The following ROS1 variants were observed in gnomAD, a reference collection of about 807,000 sequenced individuals.
The protein encoded by ROS1 is proto-oncogene tyrosine-protein kinase ROS.
Under a neutral mutation model 273.5 loss-of-function variants are expected in ROS1, and 263 were observed. The ratio of observed to expected loss-of-function variants is 0.96; its 90% CI spans 0.87 to 1.06. ROS1 has a LOEUF of 1.06. ROS1 is among the 50% of genes least tolerant of loss of function. The pLI is 0.00. For synonymous variants in ROS1, 1,008 were observed against 954.1 expected, an observed-to-expected ratio of 1.06 and a Z score of -1.04; for missense variants, 2,833 against 2,751.1, an observed-to-expected ratio of 1.03 and a Z score of -0.67.
At chr6:117,314,301 G>A (rs1483081421) in intron 39 of ROS1, among the ~76,000 whole-genome samples, 1 of 152,122 alleles carries the variant, frequency 6.6e-6, no homozygotes, top group Non-Finnish European at 1.5e-5. Flanking sequence ...CATTCTGGAA[G>A]AGGGAAAGCA....
At chr6:117,421,560 T>C (rs1460922407) in intron 1 of ROS1, among the ~76,000 whole-genome samples, 1 of 152,146 alleles carries the variant, frequency 6.6e-6, no homozygotes, top group Admixed American at 6.6e-5. Flanking sequence ...AATAATGGCC[T>C]CCAGCTCCAT....
intron 23 of ROS1, 57 bp downstream of exon 23, chr6:117,360,285 C>CACAT (rs2128649991): frequency 7.6e-7 from 1 of 1,316,516 alleles, no homozygotes; most frequent in Non-Finnish European, 1.1e-6. Flanking sequence ...CACACACACA[C>CACAT]ACACACACAC....
intron 18 of ROS1, among the ~76,000 whole-genome samples, chr6:117,371,290 G>A (rs999232242): frequency 1.3e-5 from 2 of 152,128 alleles, no homozygotes; most frequent in Non-Finnish European, 2.9e-5. Flanking sequence ...GTCCACCCCC[G>A]AACACACATC....
rs1562304923 is a variant in ROS1, at chr6:117,353,214, CA to C, written c.4127-49del. 4 of 1,316,680 alleles carry C rather than the reference CA, an allele frequency of 3.0e-6. No homozygotes were observed. In the South Asian group the frequency reaches 5.2e-5, roughly 17 times the overall value. 81.6% of individuals were successfully genotyped at this position (1,316,680 alleles called of 1,614,324 possible). ...TATAAAGAACAAAATTAATATCTTA[CA>C]TTTTTTACTCTAAAAATGTATGAAA... On this transcript the variant is annotated intron_variant, in intron 26 of 43. Coordinates refer to ENST00000368507, the MANE Select transcript of ROS1 (RefSeq NM_001378902.1).
intron 8 of ROS1, 137 bp downstream of exon 8, chr6:117,396,778 T>C: frequency 1.5e-6 from 1 of 664,000 alleles, no homozygotes; most frequent in Middle Eastern, 4.2e-4. Context: ...AAAACCACAA[T>C]GACTTCAACC....
intron 37 of ROS1, among the ~76,000 whole-genome samples, chr6:117,318,803 C>T (rs1243425583): frequency 1.3e-5 from 2 of 152,094 alleles, no homozygotes; most frequent in Non-Finnish European, 2.9e-5. Flanking sequence ...ACCATCTTTC[C>T]TCCTCTCCCT....
At chr6:117,424,361 A>G (rs901129720) in intron 1 of ROS1, among the ~76,000 whole-genome samples, 2 of 151,806 alleles carry the variant, frequency 1.3e-5, no homozygotes, top group Admixed American at 1.3e-4. Flanking sequence ...AAATTCAATC[A>G]AAAGATTACT....
At chr6:117,386,542 T>C (rs75998593) in intron 15 of ROS1, among the ~76,000 whole-genome samples, 1 of 152,386 alleles carries the variant, frequency 6.6e-6, no homozygotes, top group Non-Finnish European at 1.5e-5. Flanking sequence ...TCCTGTCTTA[T>C]AGCAAATGCA....
intron 25 of ROS1, 137 bp from the exon 26 acceptor site, chr6:117,357,052 T>G (rs1308035242): frequency 5.8e-6 from 4 of 690,206 alleles, no homozygotes; most frequent in Non-Finnish European, 9.7e-6. Flanking sequence ...GGTCAAGTTT[T>G]CAATAACCTT....
At chr6:117,382,812 AC>A (rs1448385492) in intron 17 of ROS1, among the ~76,000 whole-genome samples, 3 of 152,108 alleles carry the variant, frequency 2.0e-5, no homozygotes, top group Non-Finnish European at 4.4e-5. Context: ...ATAAAAAAAA[AC>A]TTAGGAGGTA....
chr6:117,308,475 A>ACT (rs199508385), intron 42 of ROS1, among the ~76,000 whole-genome samples: 232 of 151,402 alleles, frequency 1.5e-3, no homozygotes, highest in African/African-American at 4.5e-3. Context: ...GTGTGTGTAT[A>ACT]CTCTCTCTCT....
rs1773530526 is a variant in ROS1, at chr6:117,287,627, A to G, written c.*865T>C. The stretch of plus-strand genomic sequence containing the variant: ...CAAAATATTTTACAGTAGTGATTAA[A>G]GACAATATATATCGGCTAGGCATGG... On this transcript the variant is annotated 3_prime_UTR_variant, in exon 44 of 44. Coordinates refer to ENST00000368507, the MANE Select transcript of ROS1 (RefSeq NM_001378902.1). Among the ~76,000 whole-genome samples, 1 of 152,190 alleles carries G rather than the reference A, an allele frequency of 6.6e-6. No individual in the cohort carries two copies. The highest frequency in any genetic ancestry group is 6.5e-5 in the Admixed American group (1 of 15,272).
At chr6:117,418,542 C>A in intron 1 of ROS1, 36 bp from the exon 2 acceptor site, 1 of 1,549,614 alleles carries the variant, frequency 6.5e-7, no homozygotes, top group Non-Finnish European at 8.8e-7. Flanking sequence ...CACCAGCCAT[C>A]AGTACTGGGT....
chr6:117,361,840 A>C (rs1194762354), intron 22 of ROS1, among the ~76,000 whole-genome samples: 1 of 152,054 alleles, frequency 6.6e-6, no homozygotes, highest in Non-Finnish European at 1.5e-5. Context: ...GCATTACAGC[A>C]CAGTGCTTTC....
intron 27 of ROS1, among the ~76,000 whole-genome samples, chr6:117,352,668 A>G (rs1202912831): frequency 6.6e-6 from 1 of 152,192 alleles, no homozygotes; most frequent in African/African-American, 2.4e-5. Context: ...GGAGGCCTAA[A>G]ATATCAGCAA....
intron 27 of ROS1, among the ~76,000 whole-genome samples, chr6:117,348,746 C>G (rs1207740666): frequency 6.6e-6 from 1 of 151,924 alleles, no homozygotes; most frequent in East Asian, 1.9e-4. Flanking sequence ...AAACTTCCCT[C>G]TAAGCACTGA....
At chr6:117,335,174 G>A (rs1455825764) in intron 32 of ROS1, among the ~76,000 whole-genome samples, 1 of 152,046 alleles carries the variant, frequency 6.6e-6, no homozygotes, top group East Asian at 1.9e-4. Flanking sequence ...ATCAAAAAGT[G>A]GGCAAAAGAT....
chr6:117,375,463 G>T (rs1435871254), intron 18 of ROS1, among the ~76,000 whole-genome samples: 3 of 152,008 alleles, frequency 2.0e-5, no homozygotes, highest in African/African-American at 4.8e-5. Context: ...TTTAAAAAAA[G>T]AAAACCTACC....
At chr6:117,414,606 A>T in intron 3 of ROS1, 61 bp from the exon 4 acceptor site, 2 of 693,362 alleles carry the variant, frequency 2.9e-6, no homozygotes, top group East Asian at 2.6e-5. Context: ...TTTTAGTGAC[A>T]CTGAGCTGTA....
Sources: gnomAD v4.1 joint callset for allele counts (sites outside exome capture counted in the v4.1 genomes callset) on GRCh38, gnomAD v4.1.1 for gene constraint, MANE v1.5 for transcripts, NCBI Gene and HGNC (gene_info 2026-07-23, HGNC 2026-07-21) for gene names.